Variants in NCALD observed in about 807,000 individuals in gnomAD.
NCALD encodes the protein neurocalcin delta.
In NCALD, 10 loss-of-function variants were observed where a neutral mutation model predicts 18.6. The observed-to-expected ratio is 0.54, with a 90% CI of 0.33 to 0.91. The LOEUF is 0.91. NCALD is among the 40% of genes least tolerant of loss of function. NCALD has a pLI of 0.03. For synonymous variants in NCALD, 88 were observed against 87.4 expected (o/e 1.01, Z -0.04); for missense variants, 184 against 247.6 (o/e 0.74, Z 1.72).
At chr8:101,751,429 T>C (rs1810652855) in intron 1 of NCALD, among the ~76,000 whole-genome samples, 1 of 152,142 alleles carries the variant, frequency 6.6e-6, no homozygotes, top group Non-Finnish European at 1.5e-5. Flanking sequence ...AAATGGGTAA[T>C]GGTGACAGTT....
rs1814561088 is a variant in NCALD, at chr8:101,688,489, T to C, written c.*820A>G. On this transcript the variant is annotated 3_prime_UTR_variant, in exon 4 of 4. Transcript: ENST00000220931. ...CTAAAAACAGTCTTCTGGAATAAGA[T>C]TGTATTAGTGCTCACTAAACATGCA... The C allele has an allele frequency of 3.0e-6, 1 of 329,146 alleles. No individual in the cohort carries two copies. The highest frequency in any genetic ancestry group is 2.1e-5 in the African/African-American group (1 of 46,652). The allele number at this position is 329,146 out of a possible 1,614,324, so 20.4% of individuals were successfully genotyped here. A position where few individuals can be genotyped will look rare whatever the true frequency, so the allele number is the denominator to read the frequency against.
intron 2 of NCALD, among the ~76,000 whole-genome samples, chr8:101,938,554 C>T (rs141320161): frequency 1.1e-4 from 16 of 152,022 alleles, no homozygotes; most frequent in South Asian, 4.2e-4. Flanking sequence ...GATAATAATG[C>T]GAAGACAAGA....
chr8:101,904,182 G>A (rs1006228096), intron 3 of NCALD, among the ~76,000 whole-genome samples: 1 of 152,146 alleles, frequency 6.6e-6, no homozygotes, highest in African/African-American at 2.4e-5. Flanking sequence ...GAAGACACAA[G>A]AGGAGGGAAA....
intron 3 of NCALD, among the ~76,000 whole-genome samples, chr8:101,891,515 A>G (rs1230386946): frequency 2.0e-5 from 3 of 152,230 alleles, no homozygotes; most frequent in South Asian, 4.1e-4. Flanking sequence ...AGGAGCCAAG[A>G]TGGCCAAATA....
intron 4 of NCALD, among the ~76,000 whole-genome samples, chr8:101,865,696 C>T (rs563675374): frequency 2.0e-5 from 3 of 152,166 alleles, no homozygotes; most frequent in South Asian, 4.2e-4. Flanking sequence ...AGGTCATGCT[C>T]TCCAGTATGG....
At chr8:101,718,407 CTCTG>C (rs1160771455) in intron 2 of NCALD, among the ~76,000 whole-genome samples, 1 of 152,150 alleles carries the variant, frequency 6.6e-6, no homozygotes, top group African/African-American at 2.4e-5. Flanking sequence ...CTGCAATTCT[CTCTG>C]TCTCTTTCAC....
intron 4 of NCALD, among the ~76,000 whole-genome samples, chr8:101,847,088 A>G (rs543141681): frequency 9.2e-5 from 14 of 152,322 alleles, no homozygotes; most frequent in African/African-American, 3.4e-4. Context: ...CCTGTGACAC[A>G]GTTTTTATGA....
chr8:101,885,636 T>C (rs563694138), intron 4 of NCALD, among the ~76,000 whole-genome samples: 2 of 152,284 alleles, frequency 1.3e-5, no homozygotes, highest in East Asian at 3.9e-4. Context: ...CTTTGCTCCA[T>C]GTGAATGAGA....
At chr8:101,826,383 G>GAATCTTCT (rs201763193) in intron 4 of NCALD, among the ~76,000 whole-genome samples, 6,322 of 152,264 alleles carry the variant, frequency 0.042, 323 homozygotes, top group East Asian at 0.12. Flanking sequence ...TAGTCTTCAT[G>GAATCTTCT]AGACTTCTAG....
intron 1 of NCALD, among the ~76,000 whole-genome samples, chr8:102,095,915 C>G (rs1448168474): frequency 6.6e-6 from 1 of 152,208 alleles, no homozygotes; most frequent in African/African-American, 2.4e-5. Flanking sequence ...CTTGCCAAAG[C>G]TTCTCTCTTA....
intron 2 of NCALD, among the ~76,000 whole-genome samples, chr8:101,983,880 G>C (rs988731027): frequency 6.6e-6 from 1 of 152,216 alleles, no homozygotes; most frequent in Admixed American, 6.5e-5. Context: ...CCACATCTGA[G>C]TTTGGTGCCC....
At chr8:101,881,017 A>C (rs559202467) in intron 4 of NCALD, among the ~76,000 whole-genome samples, 20 of 152,338 alleles carry the variant, frequency 1.3e-4, no homozygotes, top group Admixed American at 2.6e-4. Flanking sequence ...CACGACACAA[A>C]AGAAACTCTA....
chr8:102,039,901 G>A (rs892346556), intron 1 of NCALD, among the ~76,000 whole-genome samples: 2 of 152,098 alleles, frequency 1.3e-5, no homozygotes, highest in Admixed American at 6.5e-5. Context: ...ATCTGTACAT[G>A]CCTGATCCCC....
intron 1 of NCALD, among the ~76,000 whole-genome samples, chr8:102,081,811 C>T (rs1236216065): frequency 6.6e-6 from 1 of 152,160 alleles, no homozygotes; most frequent in Non-Finnish European, 1.5e-5. Context: ...GGGTTGGGCA[C>T]GACTGGTGCT....
intron 1 of NCALD, among the ~76,000 whole-genome samples, chr8:102,037,214 A>G (rs1822899404): frequency 6.6e-6 from 1 of 152,196 alleles, no homozygotes. Flanking sequence ...ACTTTACTAT[A>G]ATTCTATTAG....
At chr8:101,920,646 A>T (rs908799406) in intron 2 of NCALD, among the ~76,000 whole-genome samples, 1 of 152,218 alleles carries the variant, frequency 6.6e-6, no homozygotes, top group Non-Finnish European at 1.5e-5. Flanking sequence ...CAAATATCAC[A>T]TGTTCTCACT....
At chr8:101,791,134 G>A (rs987068260), upstream of NCALD, among the ~76,000 whole-genome samples, 1 of 152,208 alleles carries the variant, frequency 6.6e-6, no homozygotes, top group Non-Finnish European at 1.5e-5. Flanking sequence ...GTGTGAGAGA[G>A]AGAGTATGTG....
At chr8:101,736,404 G>T (rs1420629172) in intron 1 of NCALD, among the ~76,000 whole-genome samples, 2 of 152,150 alleles carry the variant, frequency 1.3e-5, no homozygotes, top group African/African-American at 2.4e-5. Context: ...GACAGGAAAG[G>T]AACAGAATTC....
chr8:101,902,757 C>T (rs745854726), intron 3 of NCALD, among the ~76,000 whole-genome samples: 12 of 152,142 alleles, frequency 7.9e-5, no homozygotes, highest in Non-Finnish European at 1.3e-4. Flanking sequence ...CCAGCATGTG[C>T]TTCCTCCTAA....
Sources: gnomAD v4.1 joint callset for allele counts (sites outside exome capture counted in the v4.1 genomes callset) on GRCh38, gnomAD v4.1.1 for gene constraint, MANE v1.5 for transcripts, NCBI Gene and HGNC (gene_info 2026-07-23, HGNC 2026-07-21) for gene names.